The following DCTN4 variants were observed in gnomAD, a reference collection of about 807,000 sequenced individuals.
DCTN4 encodes the protein dynactin subunit 4, also known as dynactin 4 (p62).
A neutral mutation model predicts 62.7 loss-of-function variants in DCTN4; 23 were observed. That is an observed-to-expected ratio of 0.37 (90% CI 0.26 to 0.52). The LOEUF is 0.52. Ranked by LOEUF, DCTN4 falls within the 20% of genes least tolerant of loss-of-function variation. The pLI is 0.92. For synonymous variants in DCTN4, 199 were observed against 202.1 expected (o/e 0.98, Z 0.13); for missense variants, 514 against 580.4 (o/e 0.89, Z 1.18).
At chr5:150,733,255 C>T in intron 5 of DCTN4, 113 bp downstream of exon 5, 1 of 640,466 alleles carries the variant, frequency 1.6e-6, no homozygotes, top group East Asian at 2.8e-5. Context: ...TTTGAAGAAT[C>T]CCTCTCTCTG....
chr5:150,741,975 T>G, intron 4 of DCTN4, 139 bp downstream of exon 4: 1 of 758,624 alleles, frequency 1.3e-6, no homozygotes, highest in Non-Finnish European at 2.3e-6. Context: ...TGTCTTACAA[T>G]GAGAAGCACT....
Position 150,756,430 on chromosome 5 carries a change from G to A in DCTN4, c.193C>T (p.Leu65=), listed in dbSNP as rs770168218. 6.3e-7 allele frequency: 1 copy of A among 1,596,324 alleles called. No individual in the cohort carries two copies. Among genetic ancestry groups the A allele is most frequent in the Middle Eastern group, 1.7e-4 (1 of 5,956 alleles). ...LENMPSAEAK[L]KKNRCANCFD... ...TCCAGGTCTTACCTATTCTTTTTTAGTTTGGCTTCAGCCGATGGCATATTT... is the reference window on the plus strand; with the variant it reads ...TCCAGGTCTTACCTATTCTTTTTTAATTTGGCTTCAGCCGATGGCATATTT... Residue 65 remains leucine (L), a synonymous_variant, in exon 2 of 13, where the codon CTA becomes TTA. Coordinates refer to ENST00000447998, the MANE Select transcript of DCTN4 (RefSeq NM_016221.4).
chr5:150,711,355 C>A lies in DCTN4; in HGVS notation c.1177G>T (p.Ala393Ser). Reference protein sequence around the residue: ...QDFQDDPDIIAFRKANKVGIF... With the variant: ...QDFQDDPDIISFRKANKVGIF... ...CCCACTTTGTTGGCCTTTCTGAAGG[C>A]TATAATGCTATGGAAAGAAAAAAAA... is the stretch of plus-strand genomic sequence containing the variant. The change falls in exon 13 of 13, where the codon GCC (alanine) becomes TCC (serine). Residue 393 changes from alanine (A) to serine (S), a missense_variant. Ala to Ser is a moderately conservative substitution (Grantham distance 99, BLOSUM62 1). Coordinates refer to ENST00000447998, the MANE Select transcript of DCTN4 (RefSeq NM_016221.4). 6.2e-7 allele frequency: 1 copy of A among 1,612,388 alleles called. No homozygotes were observed. Among genetic ancestry groups the A allele is most frequent in the East Asian group, 2.2e-5 (1 of 44,868 alleles).
At chr5:150,713,497 G>C (rs1227996547) in intron 12 of DCTN4, among the ~76,000 whole-genome samples, 1 of 148,070 alleles carries the variant, frequency 6.8e-6, no homozygotes, top group Non-Finnish European at 1.5e-5. Flanking sequence ...AGGCTGGAGT[G>C]TAGTGGCGTG....
chr5:150,735,300 G>C (rs1760535726), intron 4 of DCTN4, among the ~76,000 whole-genome samples: 1 of 152,180 alleles, frequency 6.6e-6, no homozygotes, highest in African/African-American at 2.4e-5. Flanking sequence ...GTGACATCCT[G>C]GCTAACCAGA....
intron 11 of DCTN4, 89 bp downstream of exon 11, chr5:150,718,187 G>A (rs776836576): frequency 2.6e-5 from 21 of 796,372 alleles, no homozygotes; most frequent in Non-Finnish European, 2.8e-5. Flanking sequence ...GATGTGGAAA[G>A]GAGAGTGTGT....
At chr5:150,729,177 G>C (rs1760267610) in intron 8 of DCTN4, among the ~76,000 whole-genome samples, 1 of 148,756 alleles carries the variant, frequency 6.7e-6, no homozygotes, top group Non-Finnish European at 1.5e-5. Context: ...TTACAGGCAT[G>C]AGCCCAGGCT....
chr5:150,725,115 G>A lies in DCTN4; in HGVS notation c.835-2135C>T, dbSNP rs375468738. 1.9e-4 allele frequency among the ~76,000 whole-genome samples: 27 copies of A among 138,596 alleles called. No individual in the cohort carries two copies. In the East Asian group the frequency reaches 2.5e-3, roughly 13 times the overall value. 90.9% of individuals were successfully genotyped at this position (138,596 alleles called of 152,430 possible). On this transcript the variant is annotated intron_variant, in intron 8 of 12. Coordinates refer to ENST00000447998, the MANE Select transcript of DCTN4 (RefSeq NM_016221.4). Reference sequence around the variant, plus strand: ...GGAGCTTGCAGTGAGCCGAGATCACGCCGCTGCACTCCAGCATGAGCAACA... The same window carrying A: ...GGAGCTTGCAGTGAGCCGAGATCACACCGCTGCACTCCAGCATGAGCAACA...
At chr5:150,721,700 T>C (rs1227003698) in intron 9 of DCTN4, among the ~76,000 whole-genome samples, 1 of 152,260 alleles carries the variant, frequency 6.6e-6, no homozygotes, top group African/African-American at 2.4e-5. Context: ...CCCTCTATTT[T>C]TATCTTTTCA....
chr5:150,729,042 C>CTTTTTTTTTTTTTTTTTTTTTTTTTTTTT (rs61106544), intron 8 of DCTN4, among the ~76,000 whole-genome samples: 1 of 52,146 alleles, frequency 1.9e-5, no homozygotes, highest in African/African-American at 7.6e-5. Context: ...ACCACACTGG[C>CTTTTTTTTTTTTTTTTTTTTTTTTTTTTT]TTTTTTTTTT....
intron 11 of DCTN4, among the ~76,000 whole-genome samples, chr5:150,717,814 A>G (rs1759821880): frequency 6.6e-6 from 1 of 152,196 alleles, no homozygotes; most frequent in Admixed American, 6.5e-5. Flanking sequence ...CTGGATCACA[A>G]CCACTAATAT....
chr5:150,726,657 G>C (rs190675182), intron 8 of DCTN4, among the ~76,000 whole-genome samples: 186 of 152,250 alleles, frequency 1.2e-3, no homozygotes, highest in African/African-American at 4.4e-3. Context: ...TCATATTAAA[G>C]AGACCTGTAC....
At chr5:150,733,324 A>G in intron 5 of DCTN4, 44 bp downstream of exon 5, 1 of 1,373,106 alleles carries the variant, frequency 7.3e-7, no homozygotes, top group South Asian at 1.2e-5. Context: ...CACTGTTCTT[A>G]GGCCTTAGAG....
At chr5:150,758,797 T>C (rs1455895382) in intron 1 of DCTN4, 62 bp downstream of exon 1, 11 of 1,586,686 alleles carry the variant, frequency 6.9e-6, no homozygotes, top group Middle Eastern at 3.3e-4. Flanking sequence ...CCGGTGGCAG[T>C]GACTAGCATG....
chr5:150,712,713 T>C (rs1759614374), intron 12 of DCTN4, among the ~76,000 whole-genome samples: 1 of 152,254 alleles, frequency 6.6e-6, no homozygotes, highest in South Asian at 2.1e-4. Flanking sequence ...TGTCTCTTCA[T>C]TGAGGTTTGC....
At chr5:150,748,360 G>A (rs1260654040) in intron 3 of DCTN4, among the ~76,000 whole-genome samples, 16 of 151,222 alleles carry the variant, frequency 1.1e-4, no homozygotes, top group East Asian at 3.9e-4. Context: ...TAGTTCAACC[G>A]TTGTGGAAGT....
At chr5:150,717,812 C>T (rs1055328737) in intron 11 of DCTN4, among the ~76,000 whole-genome samples, 4 of 152,204 alleles carry the variant, frequency 2.6e-5, no homozygotes, top group East Asian at 3.8e-4. Context: ...GTCTGGATCA[C>T]AACCACTAAT....
chr5:150,734,476 C>T (rs1399780344), intron 4 of DCTN4: 1 of 152,190 alleles, frequency 6.6e-6, no homozygotes, highest in Non-Finnish European at 1.5e-5. Flanking sequence ...GCCCTGTAGG[C>T]ACTCCCGGTT....
chr5:150,728,377 C>A (rs1206988714), intron 8 of DCTN4, among the ~76,000 whole-genome samples: 2 of 152,106 alleles, frequency 1.3e-5, no homozygotes, highest in Admixed American at 1.3e-4. Flanking sequence ...ATATATTCTG[C>A]AGACATTGGG....
Sources: allele counts gnomAD v4.1 joint callset (sites outside exome capture counted in the v4.1 genomes callset), GRCh38; gene constraint gnomAD v4.1.1; transcripts MANE v1.5; gene names NCBI Gene and HGNC (gene_info 2026-07-23, HGNC 2026-07-21).